DPYD: variants seen among roughly 807,000 people sequenced by gnomAD.
DPYD encodes dihydropyrimidine dehydrogenase, also known as dihydropyrimidine dehydrogenase [NADP(+)].
Under a neutral mutation model 116.2 loss-of-function variants are expected in DPYD, and 109 were observed. That is an observed-to-expected ratio of 0.94 (90% confidence interval 0.80 to 1.10). The LOEUF (loss-of-function observed/expected upper bound fraction) is 1.10. DPYD is among the 50% of genes least tolerant of loss of function. The pLI is 0.00. For missense variants in DPYD, 1,302 were observed against 1,254.5 expected (o/e 1.04, Z -0.57); for synonymous variants, 440 against 432.0 (o/e 1.02, Z -0.23).
chr1:97,480,852 C>A (rs887107728), intron 13 of DPYD, among the ~76,000 whole-genome samples: 6 of 152,034 alleles, frequency 3.9e-5, no homozygotes, highest in African/African-American at 1.2e-4. Flanking sequence ...TGGTGGCATG[C>A]ACCTGTAATC....
chr1:97,329,533 G>T (rs962446348), intron 16 of DPYD, among the ~76,000 whole-genome samples: 4 of 151,860 alleles, frequency 2.6e-5, no homozygotes, highest in Non-Finnish European at 4.4e-5. Context: ...GATCACCTGA[G>T]GTCAGGAGTT....
chr1:97,529,568 T>C (rs963566029), intron 12 of DPYD, among the ~76,000 whole-genome samples: 13 of 152,164 alleles, frequency 8.5e-5, no homozygotes, highest in African/African-American at 3.1e-4. Flanking sequence ...TACACTCATG[T>C]TACTATCACT....
chr1:97,521,081 C>T (rs1648622158), intron 12 of DPYD, among the ~76,000 whole-genome samples: 1 of 152,178 alleles, frequency 6.6e-6, no homozygotes, highest in East Asian at 1.9e-4. Context: ...AACTAATTTA[C>T]ACTCCCACCA....
chr1:97,516,268 A>T (rs368608144), intron 12 of DPYD, among the ~76,000 whole-genome samples: 2 of 152,030 alleles, frequency 1.3e-5, no homozygotes, highest in East Asian at 1.9e-4. Flanking sequence ...GTCTCTTTGT[A>T]CTTAAGTTAT....
At chr1:97,674,694 C>T (rs1297917125) in intron 8 of DPYD, among the ~76,000 whole-genome samples, 4 of 151,682 alleles carry the variant, frequency 2.6e-5, no homozygotes, top group East Asian at 1.9e-4. Flanking sequence ...ATGTCCAGCC[C>T]GTCTACCACA....
intron 18 of DPYD, among the ~76,000 whole-genome samples, chr1:97,297,635 G>A (rs1395378448): frequency 6.6e-6 from 1 of 152,094 alleles, no homozygotes; most frequent in Non-Finnish European, 1.5e-5. Context: ...GCATTGTCTG[G>A]GGATGGCAAG....
At chr1:97,913,844 A>AT (rs747462204) in intron 1 of DPYD, among the ~76,000 whole-genome samples, 44 of 151,906 alleles carry the variant, frequency 2.9e-4, no homozygotes, top group Non-Finnish European at 5.0e-4. Flanking sequence ...GGAATAAAAC[A>AT]TGGGGGGGAG....
At chr1:97,699,280 C>A in intron 6 of DPYD, 71 bp downstream of exon 6, 4 of 1,442,860 alleles carry the variant, frequency 2.8e-6, no homozygotes, top group Non-Finnish European at 3.9e-6. Context: ...TGATTATGAA[C>A]CAACAATATT....
chr1:97,469,325 G>GATTTATAT (rs1404400152), intron 13 of DPYD, among the ~76,000 whole-genome samples: 2 of 131,222 alleles, frequency 1.5e-5, no homozygotes, highest in Non-Finnish European at 3.1e-5. Context: ...AAGAATGAGT[G>GATTTATAT]ATTTATATAC....
At chr1:97,087,407 G>C (rs938494374) in intron 21 of DPYD, among the ~76,000 whole-genome samples, 6 of 152,206 alleles carry the variant, frequency 3.9e-5, no homozygotes, top group Admixed American at 1.3e-4. Context: ...GACTCGGCTT[G>C]AATATGCTGA....
chr1:97,350,253 A>G (rs1437765973), intron 16 of DPYD, among the ~76,000 whole-genome samples: 1 of 152,164 alleles, frequency 6.6e-6, no homozygotes, highest in African/African-American at 2.4e-5. Context: ...GGAGGAACAT[A>G]TTAAATACTC....
At chr1:97,448,320 T>G (rs768666201) in intron 14 of DPYD, among the ~76,000 whole-genome samples, 3 of 152,238 alleles carry the variant, frequency 2.0e-5, no homozygotes, top group Non-Finnish European at 4.4e-5. Context: ...AAATTCTAGC[T>G]TCACCATATA....
intron 14 of DPYD, among the ~76,000 whole-genome samples, chr1:97,400,761 T>C (rs777431031): frequency 2.2e-4 from 33 of 152,206 alleles, no homozygotes; most frequent in Middle Eastern, 3.2e-3. Flanking sequence ...TATTCTCTGA[T>C]GGTAGTTTGT....
chr1:97,269,331 T>C (rs953260639), intron 18 of DPYD, among the ~76,000 whole-genome samples: 1 of 152,200 alleles, frequency 6.6e-6, no homozygotes, highest in Non-Finnish European at 1.5e-5. Context: ...TGTCTTCTTC[T>C]GAGCCCTCAC....
chr1:97,826,586 C>G (rs1301388016), intron 3 of DPYD, among the ~76,000 whole-genome samples: 1 of 152,056 alleles, frequency 6.6e-6, no homozygotes, highest in Non-Finnish European at 1.5e-5. Context: ...TGTATTTAAA[C>G]TTATCATAAT....
intron 13 of DPYD, among the ~76,000 whole-genome samples, chr1:97,498,523 T>C (rs1276053094): frequency 6.6e-6 from 1 of 151,338 alleles, no homozygotes; most frequent in African/African-American, 2.4e-5. Context: ...TGTGTACTTA[T>C]TTAAAAGCCA....
chr1:97,386,833 A>G (rs1672376051), intron 14 of DPYD, among the ~76,000 whole-genome samples: 1 of 151,922 alleles, frequency 6.6e-6, no homozygotes, highest in Admixed American at 6.6e-5. Context: ...CAATTTTTAA[A>G]AGAGTCAGGC....
At chr1:97,474,965 G>A (rs1186416420) in intron 13 of DPYD, among the ~76,000 whole-genome samples, 3 of 151,922 alleles carry the variant, frequency 2.0e-5, no homozygotes, top group Non-Finnish European at 4.4e-5. Context: ...TTAAGAAAAT[G>A]TAAAAAGAAG....
chr1:97,355,942 T>C (rs926377182), intron 16 of DPYD, among the ~76,000 whole-genome samples: 1 of 152,194 alleles, frequency 6.6e-6, no homozygotes, highest in African/African-American at 2.4e-5. Flanking sequence ...ATTGCATAAA[T>C]ACCCAGAAGT....
Sources: gnomAD v4.1 joint callset for allele counts (sites outside exome capture counted in the v4.1 genomes callset) on GRCh38, gnomAD v4.1.1 for gene constraint, MANE v1.5 for transcripts, NCBI Gene and HGNC (gene_info 2026-07-23, HGNC 2026-07-21) for gene names.